KCNJ4: variants seen among roughly 807,000 people sequenced by gnomAD.
The protein encoded by KCNJ4 is inward rectifier potassium channel 4.
KCNJ4 carries 3 observed loss-of-function variants against 25.6 expected under a neutral mutation model. The observed-to-expected ratio is 0.12, with a 90% CI of 0.05 to 0.30. The LOEUF (loss-of-function observed/expected upper bound fraction) is 0.30, where lower values mean the gene tolerates loss of function less well. Among genes scored for constraint, KCNJ4 ranks in the 10% least tolerant of loss-of-function variants. The probability of loss-of-function intolerance (pLI) is 1.00; values close to 1 mark genes in which losing one functional copy is unlikely to be tolerated. For synonymous variants in KCNJ4, 257 were observed against 283.9 expected, an observed-to-expected ratio of 0.91 and a Z score of 0.95; for missense variants, 286 against 666.8, an observed-to-expected ratio of 0.43 and a Z score of 6.29.
chr22:38,436,187 TGAG>T (rs1374460784), intron 1 of KCNJ4, among the ~76,000 whole-genome samples: 2 of 152,334 alleles, frequency 1.3e-5, no homozygotes, highest in East Asian at 3.9e-4. Context: ...AGGACTGTAA[TGAG>T]GACAAATGGG....
At chr22:38,432,287 A>ATAAATAAATAAATAAC (rs2093052473) in intron 1 of KCNJ4, among the ~76,000 whole-genome samples, 4 of 150,998 alleles carry the variant, frequency 2.6e-5, no homozygotes, top group African/African-American at 9.7e-5. Flanking sequence ...AAATAAATAA[A>ATAAATAAATAAATAAC]ATAAAATAAA....
At chr22:38,446,288 C>T (rs1358968709) in intron 1 of KCNJ4, among the ~76,000 whole-genome samples, 1 of 152,260 alleles carries the variant, frequency 6.6e-6, no homozygotes, top group Non-Finnish European at 1.5e-5. Context: ...GTGGTCCTCT[C>T]TCTGCCCCAC....
intron 1 of KCNJ4, among the ~76,000 whole-genome samples, chr22:38,429,344 G>A (rs1471680484): frequency 1.3e-5 from 2 of 152,168 alleles, no homozygotes; most frequent in Admixed American, 6.5e-5. Context: ...GTGGCTCAGA[G>A]ATGGAAAGCC....
At chr22:38,453,712 G>A (rs1168909884) in intron 1 of KCNJ4, among the ~76,000 whole-genome samples, 2 of 152,148 alleles carry the variant, frequency 1.3e-5, no homozygotes, top group African/African-American at 4.8e-5. Context: ...ACCAGCCCAG[G>A]GGGCTGCTCT....
chr22:38,441,135 G>A (rs2089329307), intron 1 of KCNJ4, among the ~76,000 whole-genome samples: 1 of 152,150 alleles, frequency 6.6e-6, no homozygotes, highest in South Asian at 2.1e-4. Flanking sequence ...AGGAGTAGGG[G>A]AGGGAGGCCA....
chr22:38,436,485 G>A (rs993402441), intron 1 of KCNJ4, among the ~76,000 whole-genome samples: 2 of 152,112 alleles, frequency 1.3e-5, no homozygotes, highest in Admixed American at 6.6e-5. Flanking sequence ...TCTGAGCCTC[G>A]GTATCTCCAA....
chr22:38,448,246 TA>T (rs74267860), intron 1 of KCNJ4, among the ~76,000 whole-genome samples: 4,417 of 112,874 alleles, frequency 0.039, 247 homozygotes, highest in African/African-American at 0.13. Flanking sequence ...AACTCCGTCT[TA>T]AAAAAAAAAA....
chr22:38,445,210 T>TG (rs912966745), intron 1 of KCNJ4, among the ~76,000 whole-genome samples: 5 of 151,868 alleles, frequency 3.3e-5, no homozygotes, highest in African/African-American at 1.2e-4. Flanking sequence ...ATCTAGGCCC[T>TG]GGGGAGAGGT....
intron 1 of KCNJ4, among the ~76,000 whole-genome samples, chr22:38,430,396 G>A (rs1037260473): frequency 6.6e-6 from 1 of 152,150 alleles, no homozygotes; most frequent in Non-Finnish European, 1.5e-5. Flanking sequence ...CCCAGCTACT[G>A]GGGGGCTGAG....
intron 1 of KCNJ4, among the ~76,000 whole-genome samples, chr22:38,446,502 A>G (rs2145946368): frequency 6.6e-6 from 1 of 152,270 alleles, no homozygotes; most frequent in Middle Eastern, 3.4e-3. Context: ...TCAGCTGTCC[A>G]GAGAAGTGGT....
intron 1 of KCNJ4, among the ~76,000 whole-genome samples, chr22:38,432,543 G>A (rs1337269495): frequency 1.3e-5 from 2 of 151,986 alleles, no homozygotes; most frequent in Non-Finnish European, 2.9e-5. Flanking sequence ...TCCAATTAAG[G>A]GACTACTCAT....
intron 1 of KCNJ4, among the ~76,000 whole-genome samples, chr22:38,439,329 G>A (rs1484694928): frequency 1.3e-5 from 2 of 152,124 alleles, no homozygotes; most frequent in African/African-American, 4.8e-5. Flanking sequence ...CTCCTCAGGA[G>A]GCTGAGGCAA....
At chr22:38,433,238 A>G (rs1165208620) in intron 1 of KCNJ4, among the ~76,000 whole-genome samples, 2 of 152,314 alleles carry the variant, frequency 1.3e-5, no homozygotes, top group East Asian at 3.9e-4. Context: ...ACCTGAGGTC[A>G]GGAGTTTGAG....
In KCNJ4 at chr22:38,427,091, A is replaced by G; in HGVS notation, c.1042T>C (p.Cys348Arg). ...KTYEVAGTPC[C>R]SARELQESKI... ...CTCTCCTGCAGCTCCCGGGCCGAGC[A>G]GCAGGGCGTGCCGGCCACCTCGTAG... The change falls in exon 2 of 2, where the codon TGC becomes CGC. Residue 348 changes from cysteine to arginine, a missense_variant. This residue lies in a region of KCNJ4 where 36 missense variants were observed against 100.1 expected (regional missense o/e 0.36). Transcript: ENST00000303592. 6.2e-7 allele frequency: 1 copy of G among 1,612,904 alleles called. No individual in the cohort carries two copies. Among genetic ancestry groups the G allele is most frequent in the Non-Finnish European group, 8.5e-7 (1 of 1,179,976 alleles).
intron 1 of KCNJ4, among the ~76,000 whole-genome samples, chr22:38,441,107 G>A (rs975773110): frequency 3.3e-5 from 5 of 152,186 alleles, no homozygotes; most frequent in Admixed American, 3.3e-4. Flanking sequence ...AGATGAGGAG[G>A]ACCGGCCAGA....
intron 1 of KCNJ4, among the ~76,000 whole-genome samples, chr22:38,432,707 G>A (rs950492294): frequency 1.2e-4 from 18 of 152,260 alleles, no homozygotes; most frequent in African/African-American, 4.3e-4. Flanking sequence ...GGTGGCTCAC[G>A]CCTGTAACCC....
intron 1 of KCNJ4, among the ~76,000 whole-genome samples, chr22:38,431,363 C>A (rs967280883): frequency 1.3e-5 from 2 of 152,174 alleles, no homozygotes; most frequent in African/African-American, 4.8e-5. Flanking sequence ...TTATCGAGTG[C>A]CCAGGGTCAA....
At chr22:38,431,401 A>C (rs2093049284) in intron 1 of KCNJ4, among the ~76,000 whole-genome samples, 1 of 152,140 alleles carries the variant, frequency 6.6e-6, no homozygotes, top group African/African-American at 2.4e-5. Flanking sequence ...CCTCAGCCCC[A>C]GCGGCAACAC....
chr22:38,427,658 C>A lies in KCNJ4; in HGVS notation c.475G>T (p.Val159Leu). The A allele has an allele frequency of 6.2e-7, 1 of 1,613,250 alleles. No individual in the cohort carries two copies. Among genetic ancestry groups the A allele is most frequent in the Non-Finnish European group, 8.5e-7 (1 of 1,180,008 alleles). ...ATGAAGGAGTCGATGACGCAGCCCA[C>A]GATGGACTGGACCACCACAGCGATG... ...AVIAVVVQSI[V>L]GCVIDSFMIG... is the part of the protein sequence containing the mutation. The change falls in exon 2 of 2, where the codon GTG (valine) becomes TTG (leucine). Residue 159 changes from valine to leucine, a missense_variant. This residue lies in a region of KCNJ4 where 29 missense variants were observed against 107.7 expected (regional missense o/e 0.27). Coordinates refer to ENST00000303592, the MANE Select transcript of KCNJ4 (RefSeq NM_152868.3).
Sources: allele counts gnomAD v4.1 joint callset (sites outside exome capture counted in the v4.1 genomes callset), GRCh38; gene constraint gnomAD v4.1.1; regional missense constraint gnomAD v4.1.1; transcripts MANE v1.5; gene names NCBI Gene and HGNC (gene_info 2026-07-23, HGNC 2026-07-21).